Variants in ARHGEF18 observed in about 807,000 individuals in gnomAD.
ARHGEF18 encodes the protein Rho/Rac guanine nucleotide exchange factor 18.
In ARHGEF18, 93 loss-of-function variants were observed where a neutral mutation model predicts 155.7. The observed-to-expected ratio is 0.60, with a 90% CI of 0.50 to 0.71. ARHGEF18 has a LOEUF of 0.71. ARHGEF18 is among the 30% of genes least tolerant of loss of function. ARHGEF18 has a pLI of 0.00. For synonymous variants in ARHGEF18, 742 were observed against 753.1 expected (o/e 0.99, Z 0.24); for missense variants, 1,593 against 1,816.1 (o/e 0.88, Z 2.23).
At chr19:7,432,306 C>T (rs556901385) in intron 10 of ARHGEF18, among the ~76,000 whole-genome samples, 1 of 152,298 alleles carries the variant, frequency 6.6e-6, no homozygotes, top group Admixed American at 6.5e-5. Flanking sequence ...TGCTAGAACT[C>T]TCTAGAGCCA....
At chr19:7,415,605 C>A (rs1461236815) in intron 10 of ARHGEF18, among the ~76,000 whole-genome samples, 1 of 152,118 alleles carries the variant, frequency 6.6e-6, no homozygotes, top group African/African-American at 2.4e-5. Flanking sequence ...TCCCTCCACC[C>A]TGCCCTTTCC....
chr19:7,365,577 G>C (rs1969851476), intron 2 of ARHGEF18, among the ~76,000 whole-genome samples: 1 of 152,212 alleles, frequency 6.6e-6, no homozygotes, highest in Non-Finnish European at 1.5e-5. Flanking sequence ...CAGTTGGACA[G>C]GTAACACGGC....
chr19:7,435,425 G>C (rs1341546982), intron 10 of ARHGEF18, among the ~76,000 whole-genome samples: 5 of 152,184 alleles, frequency 3.3e-5, no homozygotes, highest in Admixed American at 6.6e-5. Context: ...GGAAGCACCA[G>C]GGTCAGTTGA....
At chr19:7,377,051 A>C (rs1284328040) in intron 5 of ARHGEF18, among the ~76,000 whole-genome samples, 2 of 150,464 alleles carry the variant, frequency 1.3e-5, no homozygotes, top group East Asian at 3.9e-4. Context: ...GCTTGTCCCC[A>C]AGATTCTCTC....
chr19:7,421,555 G>A (rs905096333), intron 10 of ARHGEF18, among the ~76,000 whole-genome samples: 5 of 152,108 alleles, frequency 3.3e-5, no homozygotes, highest in Non-Finnish European at 7.3e-5. Context: ...GAGGTCAGGA[G>A]TTCAAGACCA....
intron 10 of ARHGEF18, chr19:7,392,721 GAA>G (rs112251185): frequency 9.6e-5 from 7 of 72,830 alleles, no homozygotes; most frequent in East Asian, 4.3e-4. Context: ...TCTCAAGAAA[GAA>G]AAAAAAAAAA....
At position 7,436,563 on chromosome 19, in the gene ARHGEF18, C is replaced by T. The variant is rs1038143182; in HGVS notation, c.968-3781C>T. Among the ~76,000 whole-genome samples the T allele has an allele frequency of 1.1e-3, 165 of 152,260 alleles. 1 individual carries two copies. Among genetic ancestry groups the T allele is most frequent in the African/African-American group, 3.9e-3 (161 of 41,550 alleles). ...AAAGTGCTGGGATTACAGGTGTGAG[C>T]CACAACACCCAGCCAGATGCTATTT... On this transcript the variant is annotated intron_variant, in intron 10 of 28. Coordinates refer to ENST00000668164, the MANE Select transcript of ARHGEF18 (RefSeq NM_001367823.1).
chr19:7,373,111 C>A, intron 3 of ARHGEF18, 40 bp downstream of exon 3: 1 of 1,234,214 alleles, frequency 8.1e-7, no homozygotes, highest in South Asian at 4.1e-5. Context: ...CAATGCACCC[C>A]TGGGACAGGG....
intron 1 of ARHGEF18, chr19:7,355,688 T>A (rs1422332230): frequency 2.0e-6 from 2 of 985,260 alleles, no homozygotes; most frequent in Admixed American, 1.2e-4. Context: ...GCTGAAGCGG[T>A]GGGCCTTCAA....
intron 10 of ARHGEF18, among the ~76,000 whole-genome samples, chr19:7,428,741 C>T (rs1031421147): frequency 6.6e-6 from 1 of 152,082 alleles, no homozygotes; most frequent in South Asian, 2.1e-4. Context: ...AAAGAGATTA[C>T]CCTGGGCCCC....
In ARHGEF18 at chr19:7,447,211, C is replaced by T. The variant is rs753831560; in HGVS notation, c.1737+43C>T. ...TTTTAATCAAAAACTTATATTCTGGCCGGGCGCAGTGGCTCACGCCTGTAA... is the reference window on the plus strand; with the variant it reads ...TTTTAATCAAAAACTTATATTCTGGTCGGGCGCAGTGGCTCACGCCTGTAA... On this transcript the variant is annotated intron_variant, in intron 15 of 28. Coordinates refer to ENST00000668164, the MANE Select transcript of ARHGEF18 (RefSeq NM_001367823.1). 6 of 1,544,260 alleles carry T rather than the reference C, an allele frequency of 3.9e-6. No homozygotes were observed. The East Asian group carries it at 1.2e-4, about 31-fold the overall frequency.
chr19:7,441,795 C>T (rs1196564022), intron 12 of ARHGEF18, 30 bp downstream of exon 12: 2 of 1,612,868 alleles, frequency 1.2e-6, no homozygotes. Flanking sequence ...CTCGCGGCTG[C>T]CACACAGTTC....
intron 10 of ARHGEF18, among the ~76,000 whole-genome samples, chr19:7,411,264 C>T (rs987745796): frequency 2.0e-4 from 25 of 123,058 alleles, no homozygotes; most frequent in Admixed American, 5.6e-4. Context: ...TCCCCTTCCC[C>T]TTCCCCTTCC....
At chr19:7,362,158 GAGAAGA>G (rs1169482407) in intron 1 of ARHGEF18, among the ~76,000 whole-genome samples, 1 of 22,204 alleles carries the variant, frequency 4.5e-5, no homozygotes, top group Non-Finnish European at 7.7e-5. Flanking sequence ...GGAGAAGGAG[GAGAAGA>G]AGGAGAAGAA....
At chr19:7,437,422 CAAAA>C (rs200582880) in intron 10 of ARHGEF18, among the ~76,000 whole-genome samples, 4 of 122,516 alleles carry the variant, frequency 3.3e-5, no homozygotes, top group Non-Finnish European at 5.4e-5. Flanking sequence ...AAATCCGTCT[CAAAA>C]AAAAAAAAAA....
chr19:7,426,332 G>T, intron 10 of ARHGEF18, among the ~76,000 whole-genome samples: 1 of 151,414 alleles, frequency 6.6e-6, no homozygotes, highest in African/African-American at 2.4e-5. Context: ...ACTAAAAATA[G>T]AAAAATTAGC....
In ARHGEF18 at chr19:7,395,399, G is replaced by A. The variant is rs1298091083; in HGVS notation, c.967+12196G>A. Among the ~76,000 whole-genome samples the A allele has an allele frequency of 4.6e-5, 7 of 152,172 alleles. No individual in the cohort carries two copies. Among genetic ancestry groups the A allele is most frequent in the Non-Finnish European group, 8.8e-5 (6 of 68,010 alleles). ...GACTTCTCCAGGCAGGCGAACGGGT[G>A]CTGGGGTGCAGGCTGCTCCTTCAAT... On this transcript the variant is annotated intron_variant, in intron 10 of 28. Coordinates refer to ENST00000668164, the MANE Select transcript of ARHGEF18 (RefSeq NM_001367823.1). This position sits in a 1 kb window ranked among gnomAD's most constrained non-coding sequence, Gnocchi z 5.0.
intron 2 of ARHGEF18, among the ~76,000 whole-genome samples, chr19:7,367,199 T>A (rs1168085516): frequency 6.6e-6 from 1 of 152,188 alleles, no homozygotes; most frequent in African/African-American, 2.4e-5. Flanking sequence ...TGGAAAAAAC[T>A]GAGGCTCAGA....
At chr19:7,375,908 C>A in intron 4 of ARHGEF18, 38 bp downstream of exon 4, 1 of 1,234,252 alleles carries the variant, frequency 8.1e-7, no homozygotes, top group East Asian at 3.2e-5. Flanking sequence ...CAATAGCACA[C>A]TTTTGGGTTT....
Sources: allele counts gnomAD v4.1 joint callset (sites outside exome capture counted in the v4.1 genomes callset), GRCh38; gene constraint gnomAD v4.1.1; non-coding constraint Gnocchi (gnomAD v3.1); transcripts MANE v1.5; gene names NCBI Gene and HGNC (gene_info 2026-07-23, HGNC 2026-07-21).